The following LRP1B variants were observed in gnomAD, a reference collection of about 807,000 sequenced individuals.
The protein encoded by LRP1B is low-density lipoprotein receptor-related protein 1B.
In LRP1B, 217 loss-of-function variants were observed where a neutral mutation model predicts 556.6. The observed-to-expected ratio is 0.39, with a 90% CI of 0.35 to 0.44. LRP1B has a LOEUF of 0.44. Among genes scored for constraint, LRP1B ranks in the 20% least tolerant of loss-of-function variants. The pLI is 1.00. For missense variants in LRP1B, 5,053 were observed against 5,620.8 expected, an observed-to-expected ratio of 0.90 and a Z score of 3.23; for synonymous variants, 2,047 against 1,865.8, an observed-to-expected ratio of 1.10 and a Z score of -2.50.
rs141276443 is a variant in LRP1B, at chr2:141,890,329, T to TATATACATATATATATATATATATAC, written c.83-79929_83-79928insGTATATATATATATATATATGTATAT. ...CACAGGTAAGGGCACAATACATATA[T>TATATACATATATATATATATATATAC]ATATATATATATATATATATATGTA... On this transcript the variant is annotated intron_variant, in intron 1 of 90. Coordinates refer to ENST00000389484, the MANE Select transcript of LRP1B (RefSeq NM_018557.3). Among the ~76,000 whole-genome samples the TATATACATATATATATATATATATAC allele has an allele frequency of 8.4e-5, 10 of 118,758 alleles. No homozygotes were observed. In the Admixed American group the frequency reaches 8.5e-4, roughly 10 times the overall value. The allele number at this position is 118,758 out of a possible 152,430, so 77.9% of individuals were successfully genotyped here.
intron 3 of LRP1B, among the ~76,000 whole-genome samples, chr2:141,396,214 A>C (rs1188898326): frequency 6.6e-6 from 1 of 152,220 alleles, no homozygotes; most frequent in Non-Finnish European, 1.5e-5. Context: ...GGGCCAATGA[A>C]AAACAAAACA....
chr2:141,188,830 T>C (rs555449044), intron 6 of LRP1B, among the ~76,000 whole-genome samples: 1 of 151,814 alleles, frequency 6.6e-6, no homozygotes, highest in African/African-American at 2.4e-5. Flanking sequence ...GCATAAAGAG[T>C]TTCCACGTTT....
chr2:140,825,268 A>T (rs1573768742), intron 31 of LRP1B, among the ~76,000 whole-genome samples: 1 of 152,290 alleles, frequency 6.6e-6, no homozygotes, highest in East Asian at 1.9e-4. Flanking sequence ...TAGTGAAAAG[A>T]GCCTAAAAAT....
chr2:141,025,831 G>C (rs1190240540), intron 11 of LRP1B, among the ~76,000 whole-genome samples: 2 of 152,010 alleles, frequency 1.3e-5, no homozygotes, highest in African/African-American at 2.4e-5. Context: ...TGATTTTGCT[G>C]AATGGGCTGG....
intron 2 of LRP1B, among the ~76,000 whole-genome samples, chr2:141,669,515 G>A (rs1690580982): frequency 1.3e-5 from 2 of 152,084 alleles, no homozygotes; most frequent in African/African-American, 2.4e-5. Context: ...GGCAGGGAAG[G>A]TGTTCTACTG....
intron 17 of LRP1B, among the ~76,000 whole-genome samples, chr2:140,989,097 A>G (rs755153085): frequency 2.0e-5 from 3 of 152,132 alleles, no homozygotes; most frequent in Non-Finnish European, 4.4e-5. Context: ...CACATAAATA[A>G]TGTGCATGAA....
intron 84 of LRP1B, among the ~76,000 whole-genome samples, chr2:140,283,999 A>AT (rs1683021529): frequency 6.6e-6 from 1 of 151,706 alleles, no homozygotes; most frequent in South Asian, 2.1e-4. Context: ...GAATAAGCAT[A>AT]TGAAGGCCTG....
chr2:141,670,100 A>T (rs1690606269), intron 2 of LRP1B, among the ~76,000 whole-genome samples: 1 of 152,114 alleles, frequency 6.6e-6, no homozygotes. Flanking sequence ...AAAAAACCTC[A>T]ATGTATTTAT....
chr2:141,056,647 G>C lies in LRP1B; in HGVS notation c.1409-1388C>G, dbSNP rs187135099. Among the ~76,000 whole-genome samples the C allele has an allele frequency of 9.2e-5, 14 of 151,772 alleles. No homozygotes were observed. The East Asian group carries it at 2.7e-3, about 30-fold the overall frequency. On this transcript the variant is annotated intron_variant, in intron 9 of 90. Transcript: ENST00000389484. ...CTTTTGGTTTTTCCTATTCTTTTCA[G>C]CTTATTGCTGGAGCATACCAGTGTC... is the stretch of plus-strand genomic sequence containing the variant.
intron 3 of LRP1B, among the ~76,000 whole-genome samples, chr2:141,471,277 T>TG (rs757706182): frequency 1.0e-3 from 45 of 44,312 alleles, no homozygotes; most frequent in Non-Finnish European, 2.0e-3. Context: ...TATTTTTTTT[T>TG]TTTTTTTTTT....
intron 60 of LRP1B, among the ~76,000 whole-genome samples, chr2:140,458,181 C>T (rs1224026314): frequency 6.6e-6 from 1 of 152,078 alleles, no homozygotes; most frequent in East Asian, 1.9e-4. Flanking sequence ...TAAACCTTTT[C>T]AGCCACTGAG....
intron 2 of LRP1B, among the ~76,000 whole-genome samples, chr2:141,544,334 C>CTTCTTCTTCTTCTTCTTCTTCTTCTT (rs1574064509): frequency 3.3e-4 from 22 of 66,434 alleles, no homozygotes; most frequent in Middle Eastern, 7.1e-3. Flanking sequence ...TCTTCTTCTT[C>CTTCTTCTTCTTCTTCTTCTTCTTCTT]TTCTTCTTCT....
chr2:140,923,061 C>T lies in LRP1B; in HGVS notation c.3223G>A (p.Gly1075Arg), dbSNP rs1359914478. The T allele has an allele frequency of 2.5e-6, 4 of 1,613,132 alleles. No individual in the cohort carries two copies. The East Asian group carries it at 8.9e-5, about 36-fold the overall frequency. ...NCVPDLWRCD[G>R]EKDCEDGSDE... ...CTACCATCTTCACAGTCTTTTTCTCCATCACAGCGCCACAAATCAGGAACG... is the reference window on the plus strand; with the variant it reads ...CTACCATCTTCACAGTCTTTTTCTCTATCACAGCGCCACAAATCAGGAACG... Residue 1075 changes from glycine to arginine, a missense_variant, in exon 21 of 91, where the codon GGA becomes AGA. Coordinates refer to ENST00000389484, the MANE Select transcript of LRP1B (RefSeq NM_018557.3).
chr2:141,996,247 CT>C (rs1263309869), intron 1 of LRP1B, among the ~76,000 whole-genome samples: 2 of 150,420 alleles, frequency 1.3e-5, no homozygotes, highest in African/African-American at 4.9e-5. Flanking sequence ...GTGATTGTTA[CT>C]TTAAAATAGC....
At chr2:140,734,149 C>T (rs886852719) in intron 35 of LRP1B, among the ~76,000 whole-genome samples, 1 of 152,188 alleles carries the variant, frequency 6.6e-6, no homozygotes, top group Admixed American at 6.5e-5. Flanking sequence ...TCTTTCCTAT[C>T]ATAGTGAACA....
chr2:141,138,998 T>C (rs1022771881), intron 7 of LRP1B, among the ~76,000 whole-genome samples: 1 of 151,892 alleles, frequency 6.6e-6, no homozygotes, highest in African/African-American at 2.4e-5. Context: ...ATTTATGAAA[T>C]AGATAAATCA....
At chr2:140,361,400 CA>C (rs1286439951) in intron 72 of LRP1B, among the ~76,000 whole-genome samples, 1 of 97,042 alleles carries the variant, frequency 1.0e-5, no homozygotes, top group Non-Finnish European at 2.1e-5. Context: ...AGTAGAAATA[CA>C]AAGATGGGAA....
intron 31 of LRP1B, among the ~76,000 whole-genome samples, chr2:140,823,345 T>A (rs1179881065): frequency 6.6e-6 from 1 of 152,180 alleles, no homozygotes; most frequent in Non-Finnish European, 1.5e-5. Context: ...GTAGGCAGTT[T>A]GAGCCAGAGC....
At chr2:141,933,717 A>G (rs1261819807) in intron 1 of LRP1B, among the ~76,000 whole-genome samples, 2 of 152,174 alleles carry the variant, frequency 1.3e-5, no homozygotes, top group Non-Finnish European at 2.9e-5. Context: ...AAGCAGACAA[A>G]ACTACAAACA....
Sources: allele counts gnomAD v4.1 joint callset (sites outside exome capture counted in the v4.1 genomes callset), GRCh38; gene constraint gnomAD v4.1.1; transcripts MANE v1.5; gene names NCBI Gene and HGNC (gene_info 2026-07-23, HGNC 2026-07-21).